Variants in PDCD6IP observed in about 807,000 individuals in gnomAD.
PDCD6IP encodes the protein programmed cell death 6-interacting protein.
PDCD6IP carries 43 observed loss-of-function variants against 103.7 expected under a neutral mutation model. That is an observed-to-expected ratio of 0.41 (90% CI 0.32 to 0.53). The LOEUF is 0.53. PDCD6IP is among the 20% of genes least tolerant of loss of function. The pLI is 0.16. For synonymous variants in PDCD6IP, 354 were observed against 378.7 expected (o/e 0.93, Z 0.76); for missense variants, 871 against 1,036.7 (o/e 0.84, Z 2.20).
intron 4 of PDCD6IP, among the ~76,000 whole-genome samples, chr3:33,824,777 T>C (rs1233086427): frequency 6.6e-6 from 1 of 152,196 alleles, no homozygotes; most frequent in East Asian, 1.9e-4. Flanking sequence ...CTACCTGGGG[T>C]GTCCCCTAAC....
rs147776817 is a variant in PDCD6IP, at chr3:33,849,729, A to G, written c.1642-2759A>G. On this transcript the variant is annotated intron_variant, in intron 12 of 17. Coordinates refer to ENST00000307296, the MANE Select transcript of PDCD6IP (RefSeq NM_013374.6). ...CAGTGGTTTTCTTATTATCTTGGTC[A>G]TTCATTTGTGGAAGCAGTTTAATTC... is the stretch of plus-strand genomic sequence containing the variant. 1.1e-3 allele frequency among the ~76,000 whole-genome samples: 162 copies of G among 152,350 alleles called. 1 individual carries two copies. In the East Asian group the frequency reaches 0.025, roughly 23 times the overall value.
At chr3:33,838,806 A>AT (rs1323729345) in intron 9 of PDCD6IP, among the ~76,000 whole-genome samples, 5 of 150,858 alleles carry the variant, frequency 3.3e-5, no homozygotes, top group South Asian at 2.1e-4. Context: ...ATATATATAT[A>AT]TTTTTTGTTT....
chr3:33,858,779 C>A (rs544067943), intron 15 of PDCD6IP, among the ~76,000 whole-genome samples: 1 of 152,316 alleles, frequency 6.6e-6, no homozygotes, highest in Admixed American at 6.5e-5. Flanking sequence ...CACTGTACTC[C>A]AGCCTGGGCA....
chr3:33,838,458 C>T lies in PDCD6IP; in HGVS notation c.1181+131C>T. On this transcript the variant is annotated intron_variant, in intron 9 of 17. Transcript: ENST00000307296. ...AATAGAAAATGTAGACACACACTTA[C>T]AACTATTTTTGTTGGACACTGTATT... 3.7e-6 allele frequency: 3 copies of T among 806,862 alleles called. No individual in the cohort carries two copies. In the South Asian group the frequency reaches 6.5e-5, roughly 18 times the overall value. The allele number at this position is 806,862 out of a possible 1,614,324, so 50.0% of individuals were successfully genotyped here.
chr3:33,815,622 G>A (rs1696830686), intron 3 of PDCD6IP, among the ~76,000 whole-genome samples: 1 of 152,204 alleles, frequency 6.6e-6, no homozygotes, highest in Admixed American at 6.5e-5. Context: ...TTACAGAAGA[G>A]AGGGATTTCA....
chr3:33,857,796 A>T (rs1697861857), intron 15 of PDCD6IP, among the ~76,000 whole-genome samples: 1 of 152,182 alleles, frequency 6.6e-6, no homozygotes, highest in Non-Finnish European at 1.5e-5. Flanking sequence ...GAAAATATAT[A>T]TATGTATGTG....
At chr3:33,841,214 G>C (rs963722643) in intron 9 of PDCD6IP, among the ~76,000 whole-genome samples, 5 of 151,718 alleles carry the variant, frequency 3.3e-5, no homozygotes, top group Admixed American at 3.3e-4. Flanking sequence ...TTTTAGTAGA[G>C]ATGGGGTTTC....
At chr3:33,829,750 T>C (rs1441781680) in intron 7 of PDCD6IP, among the ~76,000 whole-genome samples, 2 of 152,174 alleles carry the variant, frequency 1.3e-5, no homozygotes, top group Non-Finnish European at 2.9e-5. Flanking sequence ...TATGGATGTC[T>C]TGGTTCATTT....
At chr3:33,840,011 A>G (rs769755279) in intron 9 of PDCD6IP, among the ~76,000 whole-genome samples, 1 of 152,168 alleles carries the variant, frequency 6.6e-6, no homozygotes, top group Non-Finnish European at 1.5e-5. Flanking sequence ...GATACATATA[A>G]TTGAGAATAT....
chr3:33,822,930 T>C (rs1369299384), intron 4 of PDCD6IP, among the ~76,000 whole-genome samples: 1 of 152,196 alleles, frequency 6.6e-6, no homozygotes, highest in Non-Finnish European at 1.5e-5. Flanking sequence ...GTGCTGGGAT[T>C]ACAGATGTGA....
chr3:33,847,070 G>A (rs1697608595), intron 12 of PDCD6IP, among the ~76,000 whole-genome samples: 1 of 152,192 alleles, frequency 6.6e-6, no homozygotes, highest in Admixed American at 6.5e-5. Flanking sequence ...AACTTGTGAA[G>A]AACAACGAAC....
rs183403187 is a variant in PDCD6IP, at chr3:33,814,669, G to A, written c.334+1041G>A. Among the ~76,000 whole-genome samples, 246 of 135,890 alleles carry A rather than the reference G, an allele frequency of 1.8e-3. 5 individuals are homozygous for A. Among genetic ancestry groups the A allele is most frequent in the Non-Finnish European group, 3.4e-4 (22 of 65,464 alleles). 89.1% of individuals were successfully genotyped at this position (135,890 alleles called of 152,430 possible). On this transcript the variant is annotated intron_variant, in intron 3 of 17. Coordinates refer to ENST00000307296, the MANE Select transcript of PDCD6IP (RefSeq NM_013374.6). ...TAATGTGTATTATATATGCATGTAT[G>A]TATATATGTGTATATAATGTGTATT...
chr3:33,847,696 C>T (rs1215935010), intron 12 of PDCD6IP, among the ~76,000 whole-genome samples: 1 of 152,166 alleles, frequency 6.6e-6, no homozygotes, highest in East Asian at 1.9e-4. Context: ...TCTCTTTGGA[C>T]ATCTGGTTTT....
At chr3:33,836,917 T>A (rs1246474938) in intron 8 of PDCD6IP, among the ~76,000 whole-genome samples, 5 of 151,286 alleles carry the variant, frequency 3.3e-5, no homozygotes, top group Admixed American at 2.6e-4. Context: ...AAATATATAT[T>A]TTTTTCTTTT....
chr3:33,862,393 C>T (rs1697973981), intron 15 of PDCD6IP, among the ~76,000 whole-genome samples: 1 of 151,896 alleles, frequency 6.6e-6, no homozygotes, highest in Non-Finnish European at 1.5e-5. Context: ...TGTTTTGGGA[C>T]ATGTCATATT....
intron 3 of PDCD6IP, among the ~76,000 whole-genome samples, chr3:33,816,770 C>T (rs1431715622): frequency 2.0e-5 from 3 of 152,022 alleles, no homozygotes; most frequent in Admixed American, 6.6e-5. Context: ...GATTTGGGGA[C>T]AAAGGGAGCA....
rs377353944 is a variant in PDCD6IP at position 33,865,382 on chromosome 3, C to T, written c.2384C>T (p.Pro795Leu). ...APSQTPGSAPPPQAQGPPYPT... is the reference protein window; with the variant it reads ...APSQTPGSAPLPQAQGPPYPT... ...TCACAAACGCCTGGCTCAGCTCCTC[C>T]TCCACAGGCGCAGGGACCACCCTAT... Residue 795 changes from proline to leucine, a missense_variant, in exon 17 of 18, where the codon CCT becomes CTT. Pro to Leu is a moderately conservative substitution (Grantham distance 98, BLOSUM62 -3). Transcript: ENST00000307296. 153 of 1,600,878 alleles carry T rather than the reference C, an allele frequency of 9.6e-5. No individual in the cohort carries two copies. The highest frequency in any genetic ancestry group is 1.2e-4 in the Non-Finnish European group (143 of 1,174,384).
chr3:33,854,231 C>T (rs1310800914), intron 14 of PDCD6IP, among the ~76,000 whole-genome samples: 1 of 152,178 alleles, frequency 6.6e-6, no homozygotes, highest in Non-Finnish European at 1.5e-5. Flanking sequence ...CATATTTCAA[C>T]TGGCAGAAAA....
rs774998581 is a variant in PDCD6IP, at chr3:33,844,303, A to G, written c.1471+80A>G. Reference sequence around the variant, plus strand: ...GTTTTTGCTTGATTAAATTAGGCTCAGTTGTAAATTCATTTTTACCGAAAC... The same window carrying G: ...GTTTTTGCTTGATTAAATTAGGCTCGGTTGTAAATTCATTTTTACCGAAAC... On this transcript the variant is annotated intron_variant, in intron 11 of 17. Coordinates refer to ENST00000307296, the MANE Select transcript of PDCD6IP (RefSeq NM_013374.6). 8.7e-5 allele frequency: 60 copies of G among 691,968 alleles called. 1 individual carries two copies. In the Middle Eastern group the frequency reaches 2.6e-3, roughly 30 times the overall value. The allele number at this position is 691,968 out of a possible 1,614,324, so 42.9% of individuals were successfully genotyped here.
Sources: allele counts gnomAD v4.1 joint callset (sites outside exome capture counted in the v4.1 genomes callset), GRCh38; gene constraint gnomAD v4.1.1; transcripts MANE v1.5; gene names NCBI Gene and HGNC (gene_info 2026-07-23, HGNC 2026-07-21).